MBP: variants seen among roughly 807,000 people sequenced by gnomAD.
MBP encodes the protein myelin basic protein, also known as Golli-MBP.
In MBP, 16 loss-of-function variants were observed where a neutral mutation model predicts 35.8. The ratio of observed to expected loss-of-function variants is 0.45; its 90% confidence interval spans 0.30 to 0.68. MBP has a LOEUF of 0.68. Ranked by LOEUF, MBP falls within the 30% of genes least tolerant of loss-of-function variation. The pLI is 0.08. For synonymous variants in MBP, 143 were observed against 159.6 expected (o/e 0.90, Z 0.78); for missense variants, 380 against 404.7 (o/e 0.94, Z 0.52).
intron 4 of MBP, among the ~76,000 whole-genome samples, chr18:77,008,635 C>G (rs1173148678): frequency 6.6e-6 from 1 of 152,182 alleles, no homozygotes; most frequent in African/African-American, 2.4e-5. Flanking sequence ...CCTTGTCTGG[C>G]CCCGGCTCCC....
rs534457262 is a variant in MBP, at chr18:77,013,906, C to T, written c.576+2926G>A. 1.7e-5 allele frequency: 17 copies of T among 985,390 alleles called. No individual in the cohort carries two copies. The East Asian group carries it at 3.4e-4, about 20-fold the overall frequency. The allele number at this position is 985,390 out of a possible 1,614,324, so 61.0% of individuals were successfully genotyped here. A position where few individuals can be genotyped will look rare whatever the true frequency, so the allele number is the denominator to read the frequency against. On this transcript the variant is annotated intron_variant, in intron 4 of 8. Coordinates refer to ENST00000355994, the MANE Select transcript of MBP (RefSeq NM_001025101.2). ...AAGCTAATGTTTCCAGGCTCTGCCT[C>T]GTGACACTCAAGTGGCCTCAGATAT...
In MBP at chr18:77,016,693, T is replaced by G. The variant is rs533217895; in HGVS notation, c.576+139A>C. 18 of 1,450,476 alleles carry G rather than the reference T, an allele frequency of 1.2e-5. No homozygotes were observed. In the South Asian group the frequency reaches 2.4e-4, roughly 20 times the overall value. 89.9% of individuals were successfully genotyped at this position (1,450,476 alleles called of 1,614,324 possible). A position where few individuals can be genotyped will look rare whatever the true frequency, so the allele number is the denominator to read the frequency against. ...TCAGGCCCACACTCTTGGGCTCATA[T>G]GCATTCTCCAGCACGGAACGAGACC... On this transcript the variant is annotated intron_variant, in intron 4 of 8. Coordinates refer to ENST00000355994, the MANE Select transcript of MBP (RefSeq NM_001025101.2).
chr18:77,013,247 A>G (rs919140758), intron 4 of MBP: 1 of 985,476 alleles, frequency 1.0e-6, no homozygotes, highest in African/African-American at 1.7e-5. Flanking sequence ...GAGTGGCTGG[A>G]TCAGTTACCA....
intron 4 of MBP, among the ~76,000 whole-genome samples, chr18:76,993,550 CAAA>C (rs60296914): frequency 0.018 from 2,074 of 112,866 alleles, 52 homozygotes; most frequent in African/African-American, 0.059. Flanking sequence ...ACTTTGTCTC[CAAA>C]AAAAAAAAAA....
At chr18:77,095,063 A>C (rs1409694672) in intron 2 of MBP, among the ~76,000 whole-genome samples, 1 of 152,228 alleles carries the variant, frequency 6.6e-6, no homozygotes, top group Non-Finnish European at 1.5e-5. Context: ...ACTTCTGCCT[A>C]CTAAGAGATC....
At position 77,131,919 on chromosome 18, in the gene MBP, C is replaced by T. The variant is rs1214168214; in HGVS notation, c.-26+661G>A. 6.6e-6 allele frequency among the ~76,000 whole-genome samples: 1 copy of T among 152,100 alleles called. No homozygotes were observed. Among genetic ancestry groups the T allele is most frequent in the African/African-American group, 2.4e-5 (1 of 41,442 alleles). ...CCCGGCCGAAGAGCCCGAGACAGGC[C>T]CTGCGAAGGCGGAAGCCCGGACCCG... On this transcript the variant is annotated intron_variant, in intron 1 of 8. Transcript: ENST00000355994. The surrounding 1 kb of genome is among the most constrained non-coding windows in gnomAD (Gnocchi z 5.5).
At chr18:77,034,764 C>T (rs1400439094) in intron 3 of MBP, among the ~76,000 whole-genome samples, 1 of 152,214 alleles carries the variant, frequency 6.6e-6, no homozygotes, top group Non-Finnish European at 1.5e-5. Context: ...TTGGCTCACC[C>T]ACCTGGTGCA....
At chr18:77,104,004 C>T (rs1161363597) in intron 2 of MBP, among the ~76,000 whole-genome samples, 3 of 152,198 alleles carry the variant, frequency 2.0e-5, no homozygotes, top group Non-Finnish European at 4.4e-5. Context: ...TGCAGTTTCC[C>T]GTTTAACTGT....
intron 3 of MBP, among the ~76,000 whole-genome samples, chr18:77,030,151 GCAATGGTTAGGAGGCTGGGAATCAGA>G (rs1156857973): frequency 5.1e-4 from 75 of 148,478 alleles, no homozygotes; most frequent in African/African-American, 1.8e-3. Flanking sequence ...TGGGAATCAG[GCAATGGTTAGGAGGCTGGGAATCAGA>G]CAATGGTTAG....
At chr18:76,998,551 G>A (rs983372969) in intron 4 of MBP, among the ~76,000 whole-genome samples, 8 of 152,162 alleles carry the variant, frequency 5.3e-5, no homozygotes, top group African/African-American at 1.9e-4. Context: ...TCGCAGAAGA[G>A]ATGCCCGAAC....
In MBP at chr18:76,988,256, G is replaced by A; in HGVS notation, c.750+239C>T. On this transcript the variant is annotated intron_variant, in intron 7 of 8. Transcript: ENST00000355994. The surrounding 1 kb of genome is among the most constrained non-coding windows in gnomAD (Gnocchi z 5.2). ...GAACCCTCTGGGAGAAGAGGATCTG[G>A]CCTTGCAGGGCTGGGTCCCCGGCAC... 2 of 1,550,454 alleles carry A rather than the reference G, an allele frequency of 1.3e-6. No individual in the cohort carries two copies. The highest frequency in any genetic ancestry group is 3.3e-4 in the Middle Eastern group (2 of 5,992).
chr18:77,058,084 G>A lies in MBP; in HGVS notation c.139+8214C>T, dbSNP rs1208017295. ...CCTGACCTCGTGTTCCGCCCGCCTC[G>A]GCCTCCCAAAGTGCTGGGATTACAG... On this transcript the variant is annotated intron_variant, in intron 3 of 8. Coordinates refer to ENST00000355994, the MANE Select transcript of MBP (RefSeq NM_001025101.2). Among the ~76,000 whole-genome samples the A allele has an allele frequency of 1.1e-4, 2 of 17,850 alleles. 1 individual carries two copies. The highest frequency in any genetic ancestry group is 1.8e-4 in the Non-Finnish European group (2 of 11,020). 11.7% of individuals were successfully genotyped at this position (17,850 alleles called of 152,430 possible).
In MBP at chr18:76,988,984, G is replaced by C. The variant is rs764930079; in HGVS notation, c.682-72C>G. ...GCCGTCCATTTCCTAACGGGCTCCT[G>C]CCTGCTGAGGGTGGCTAGCATCCAT... On this transcript the variant is annotated intron_variant, in intron 5 of 8. Coordinates refer to ENST00000355994, the MANE Select transcript of MBP (RefSeq NM_001025101.2). This position sits in a 1 kb window ranked among gnomAD's most constrained non-coding sequence, Gnocchi z 5.2. 1 of 1,445,202 alleles carries C rather than the reference G, an allele frequency of 6.9e-7. No homozygotes were observed. The highest frequency in any genetic ancestry group is 9.7e-7 in the Non-Finnish European group (1 of 1,026,024). The allele number at this position is 1,445,202 out of a possible 1,614,324, so 89.5% of individuals were successfully genotyped here. A position where few individuals can be genotyped will look rare whatever the true frequency, so the allele number is the denominator to read the frequency against.
intron 3 of MBP, among the ~76,000 whole-genome samples, chr18:77,065,323 C>G (rs1006047590): frequency 6.6e-6 from 1 of 152,100 alleles, no homozygotes; most frequent in Non-Finnish European, 1.5e-5. Context: ...AGAGTTGGCT[C>G]AGGCCTCTCT....
rs948689450 is a variant in MBP at position 77,102,177 on chromosome 18, G to A, written c.51+3034C>T. 2.0e-5 allele frequency among the ~76,000 whole-genome samples: 3 copies of A among 152,164 alleles called. No homozygotes were observed. Among genetic ancestry groups the A allele is most frequent in the African/African-American group, 7.2e-5 (3 of 41,450 alleles). On this transcript the variant is annotated intron_variant, in intron 2 of 8. Transcript: ENST00000355994. This position sits in a 1 kb window ranked among gnomAD's most constrained non-coding sequence, Gnocchi z 4.4. ...CAGGGTGGGAAGGAGGGGGCCCTCAGCAGCCTGGGCCGGGCAGTGGGGCAG... is the reference window on the plus strand; with the variant it reads ...CAGGGTGGGAAGGAGGGGGCCCTCAACAGCCTGGGCCGGGCAGTGGGGCAG...
chr18:77,111,203 C>G (rs1272599327), intron 1 of MBP, among the ~76,000 whole-genome samples: 1 of 152,176 alleles, frequency 6.6e-6, no homozygotes, highest in African/African-American at 2.4e-5. Flanking sequence ...ACCCAGCATC[C>G]ACCGAGGAGC....
chr18:77,008,606 C>G (rs936625171), intron 4 of MBP, among the ~76,000 whole-genome samples: 1 of 152,212 alleles, frequency 6.6e-6, no homozygotes, highest in Non-Finnish European at 1.5e-5. Context: ...CCACGACCAC[C>G]TTGGGGCTCT....
chr18:76,985,223 CAA>C (rs754145578), intron 7 of MBP: 13 of 1,395,132 alleles, frequency 9.3e-6, no homozygotes, highest in Middle Eastern at 2.0e-4. Flanking sequence ...GTGGGGTGTT[CAA>C]GAGAAGATTA....
intron 2 of MBP, among the ~76,000 whole-genome samples, chr18:77,098,210 A>G (rs549522966): frequency 6.8e-6 from 1 of 147,580 alleles, no homozygotes; most frequent in East Asian, 2.0e-4. Flanking sequence ...CAATAAGAAG[A>G]AAATTAGTAA....
Sources: gnomAD v4.1 joint callset for allele counts (sites outside exome capture counted in the v4.1 genomes callset) on GRCh38, gnomAD v4.1.1 for gene constraint, Gnocchi (gnomAD v3.1) non-coding constraint, MANE v1.5 for transcripts, NCBI Gene and HGNC (gene_info 2026-07-23, HGNC 2026-07-21) for gene names.